Variants in SEMA6D observed in about 807,000 individuals in gnomAD.
The protein encoded by SEMA6D is semaphorin-6D.
Under a neutral mutation model 106.6 loss-of-function variants are expected in SEMA6D, and 35 were observed. The ratio of observed to expected loss-of-function variants is 0.33; its 90% CI spans 0.25 to 0.44. The LOEUF is 0.44. SEMA6D is among the 20% of genes least tolerant of loss of function. SEMA6D has a pLI of 1.00. For missense variants in SEMA6D, 1,185 were observed against 1,345.9 expected, an observed-to-expected ratio of 0.88 and a Z score of 1.87; for synonymous variants, 499 against 487.7, an observed-to-expected ratio of 1.02 and a Z score of -0.31.
chr15:47,771,931 C>A lies in SEMA6D; in HGVS notation c.*146C>A. 1.3e-6 allele frequency: 1 copy of A among 795,298 alleles called. No individual in the cohort carries two copies. The highest frequency in any genetic ancestry group is 2.0e-6 in the Non-Finnish European group (1 of 501,298). The allele number at this position is 795,298 out of a possible 1,614,324, so 49.3% of individuals were successfully genotyped here. On this transcript the variant is annotated 3_prime_UTR_variant, in exon 19 of 19. Coordinates refer to ENST00000536845, the MANE Select transcript of SEMA6D (RefSeq NM_001358351.3). Reference sequence around the variant, plus strand: ...AAACTCTTTCTAACTTTGGCAACATCAGAACTTGCCACATGTAGCTACTGC... The same window carrying A: ...AAACTCTTTCTAACTTTGGCAACATAAGAACTTGCCACATGTAGCTACTGC...
chr15:47,712,695 C>A (rs1453691808), upstream of SEMA6D, among the ~76,000 whole-genome samples: 1 of 152,112 alleles, frequency 6.6e-6, no homozygotes, highest in Admixed American at 6.6e-5. Context: ...TAATTAGTTT[C>A]ATTATCTTTC....
At chr15:47,241,994 A>C (rs1326029570) in intron 1 of SEMA6D, among the ~76,000 whole-genome samples, 5 of 152,102 alleles carry the variant, frequency 3.3e-5, no homozygotes, top group African/African-American at 1.2e-4. Context: ...AGTCTGGAGT[A>C]AGGCAGTCAC....
intron 1 of SEMA6D, among the ~76,000 whole-genome samples, chr15:47,727,940 T>C (rs1240558540): frequency 6.6e-6 from 1 of 152,238 alleles, no homozygotes; most frequent in Non-Finnish European, 1.5e-5. Flanking sequence ...GCTCAAGCCG[T>C]GCTTGGAAGA....
At chr15:47,690,559 A>AT (rs1403406306) in intron 4 of SEMA6D, among the ~76,000 whole-genome samples, 2 of 152,062 alleles carry the variant, frequency 1.3e-5, no homozygotes, top group Non-Finnish European at 2.9e-5. Flanking sequence ...TTTCAAAATC[A>AT]TTTTTTTCTT....
In SEMA6D at chr15:47,719,709, C is replaced by G. The variant is rs538003849; in HGVS notation, c.-55+2017C>G. The stretch of plus-strand genomic sequence containing the variant: ...CTTGTAGTATAAAGAAATCTCATCT[C>G]AGACCGCTCAAGGGAAGGATTTTAC... On this transcript the variant is annotated intron_variant, in intron 1 of 18. Transcript: ENST00000536845. 2.0e-5 allele frequency among the ~76,000 whole-genome samples: 3 copies of G among 152,330 alleles called. No individual in the cohort carries two copies. In the South Asian group the frequency reaches 6.2e-4, roughly 32 times the overall value.
At chr15:47,456,786 G>T (rs556805770) in intron 2 of SEMA6D, among the ~76,000 whole-genome samples, 1 of 152,118 alleles carries the variant, frequency 6.6e-6, no homozygotes, top group East Asian at 1.9e-4. Context: ...TGAAACAGAT[G>T]GCGGTAGTCC....
At chr15:47,569,342 G>C (rs1218443500) in intron 3 of SEMA6D, among the ~76,000 whole-genome samples, 4 of 152,046 alleles carry the variant, frequency 2.6e-5, no homozygotes, top group Admixed American at 6.5e-5. Flanking sequence ...CTAGAATCAT[G>C]CAAGTTTCTA....
intron 3 of SEMA6D, among the ~76,000 whole-genome samples, chr15:47,571,612 CT>C (rs1416488622): frequency 2.0e-5 from 3 of 152,174 alleles, no homozygotes; most frequent in Non-Finnish European, 4.4e-5. Flanking sequence ...GGATGGTTTC[CT>C]GAAAAAGCAC....
chr15:47,451,172 G>A (rs1057218042), intron 2 of SEMA6D, among the ~76,000 whole-genome samples: 1 of 152,050 alleles, frequency 6.6e-6, no homozygotes, highest in African/African-American at 2.4e-5. Context: ...GAAAGAAGGT[G>A]CAGAAAACAC....
exon 2 of SEMA6D, chr15:47,412,440 A>G (rs2040829615): frequency 6.6e-6 from 1 of 152,666 alleles, no homozygotes; most frequent in East Asian, 1.9e-4. Context: ...CACTGAGGCC[A>G]GCAATTTAAG....
At chr15:47,280,074 A>G (rs574762694) in intron 1 of SEMA6D, among the ~76,000 whole-genome samples, 39 of 151,404 alleles carry the variant, frequency 2.6e-4, no homozygotes, top group African/African-American at 7.7e-4. Flanking sequence ...CTCTTTTTCT[A>G]TTGATTGGAA....
intron 1 of SEMA6D, among the ~76,000 whole-genome samples, chr15:47,387,928 A>T (rs1411557802): frequency 6.6e-6 from 1 of 152,232 alleles, no homozygotes; most frequent in African/African-American, 2.4e-5. Context: ...AAGTACTAAG[A>T]ATAGTGCCTA....
intron 1 of SEMA6D, among the ~76,000 whole-genome samples, chr15:47,300,955 T>C (rs1384968338): frequency 6.6e-6 from 1 of 152,206 alleles, no homozygotes; most frequent in African/African-American, 2.4e-5. Context: ...AGAAAATAAT[T>C]TTAATACTAA....
intron 3 of SEMA6D, among the ~76,000 whole-genome samples, chr15:47,491,678 C>A (rs1184465903): frequency 1.3e-5 from 2 of 152,074 alleles, no homozygotes; most frequent in African/African-American, 2.4e-5. Context: ...GAGAGCTATG[C>A]ATATAACAAT....
chr15:47,298,959 A>G (rs142233858), intron 1 of SEMA6D, among the ~76,000 whole-genome samples: 3 of 152,280 alleles, frequency 2.0e-5, no homozygotes, highest in Admixed American at 1.3e-4. Flanking sequence ...GGTATTCTCC[A>G]TTATCCCCAT....
At chr15:47,535,069 C>CAAAAA (rs796493775) in intron 3 of SEMA6D, among the ~76,000 whole-genome samples, 99 of 93,264 alleles carry the variant, frequency 1.1e-3, no homozygotes, top group Non-Finnish European at 1.8e-3. Flanking sequence ...AAGAATGTGA[C>CAAAAA]AAAAAAAAAA....
intron 1 of SEMA6D, among the ~76,000 whole-genome samples, chr15:47,213,230 A>G (rs2030217690): frequency 6.6e-6 from 1 of 152,210 alleles, no homozygotes; most frequent in Admixed American, 6.5e-5. Flanking sequence ...CCGCACAAAT[A>G]CAGAATACTT....
intron 3 of SEMA6D, among the ~76,000 whole-genome samples, chr15:47,552,862 AT>A (rs2045777553): frequency 2.9e-5 from 2 of 69,170 alleles, no homozygotes; most frequent in Non-Finnish European, 4.5e-5. Flanking sequence ...AAATATATAT[AT>A]ATTTTTATAT....
At chr15:47,298,601 A>G (rs1381163028) in intron 1 of SEMA6D, among the ~76,000 whole-genome samples, 2 of 152,134 alleles carry the variant, frequency 1.3e-5, no homozygotes, top group African/African-American at 4.8e-5. Context: ...ATGACCCATT[A>G]CGTCTGTGCA....
Sources: allele counts gnomAD v4.1 joint callset (sites outside exome capture counted in the v4.1 genomes callset), GRCh38; gene constraint gnomAD v4.1.1; transcripts MANE v1.5; gene names NCBI Gene and HGNC (gene_info 2026-07-23, HGNC 2026-07-21).